Variants in NELL2 observed in about 807,000 individuals in gnomAD.
The protein encoded by NELL2 is protein kinase C-binding protein NELL2.
Under a neutral mutation model 109.6 loss-of-function variants are expected in NELL2, and 41 were observed. The observed-to-expected ratio is 0.37, with a 90% CI of 0.29 to 0.49. The LOEUF (loss-of-function observed/expected upper bound fraction) is 0.49. Among genes scored for constraint, NELL2 ranks in the 20% least tolerant of loss-of-function variants. NELL2 has a pLI of 0.98. For synonymous variants in NELL2, 355 were observed against 344.7 expected, an observed-to-expected ratio of 1.03 and a Z score of -0.33; for missense variants, 900 against 1,008.3, an observed-to-expected ratio of 0.89 and a Z score of 1.45.
chr12:44,867,558 A>G (rs891241615), intron 2 of NELL2, among the ~76,000 whole-genome samples: 1 of 152,234 alleles, frequency 6.6e-6, no homozygotes, highest in Admixed American at 6.5e-5. Flanking sequence ...TTCCTCTAAA[A>G]TAAGGAAAAA....
intron 9 of NELL2, among the ~76,000 whole-genome samples, chr12:44,731,333 T>G (rs1158478265): frequency 1.5e-4 from 23 of 152,074 alleles, no homozygotes; most frequent in Non-Finnish European, 1.6e-4. Context: ...GAAATACACA[T>G]GCAAAAATCC....
rs770550502 is a variant in NELL2, at chr12:44,875,865, T to C, written c.5A>G (p.Glu2Gly). The C allele has an allele frequency of 6.2e-7, 1 of 1,613,950 alleles. No individual in the cohort carries two copies. The highest frequency in any genetic ancestry group is 8.5e-7 in the Non-Finnish European group (1 of 1,180,022). Residue 2 changes from glutamate to glycine, a missense_variant, in exon 1 of 20, where the codon GAG (glutamate) becomes GGG (glycine). Coordinates refer to ENST00000429094, the MANE Select transcript of NELL2 (RefSeq NM_001145108.2). The stretch of plus-strand genomic sequence containing the variant: ...GAATGTTCTCAGTAAGACCCGAGAC[T>C]CCATGGTGCGGATCAGCTCAGTCCA... The part of the protein sequence containing the change: M[E>G]SRVLLRTFCL...
chr12:44,646,913 G>A (rs896134674), intron 13 of NELL2, among the ~76,000 whole-genome samples: 42 of 152,142 alleles, frequency 2.8e-4, no homozygotes, highest in African/African-American at 9.2e-4. Context: ...CTCTAGCTTC[G>A]GTTTCCTCAT....
intron 9 of NELL2, among the ~76,000 whole-genome samples, chr12:44,723,023 C>A (rs368904729): frequency 6.6e-6 from 1 of 151,990 alleles, no homozygotes; most frequent in Non-Finnish European, 1.5e-5. Flanking sequence ...CCCGTCTCTA[C>A]TAAAAATACA....
At chr12:44,812,037 G>C (rs1402175883) in intron 3 of NELL2, among the ~76,000 whole-genome samples, 1 of 152,122 alleles carries the variant, frequency 6.6e-6, no homozygotes, top group Non-Finnish European at 1.5e-5. Flanking sequence ...ATGCAGAAGA[G>C]TTCTTACTAT....
intron 13 of NELL2, among the ~76,000 whole-genome samples, chr12:44,624,500 A>T (rs1946166356): frequency 6.6e-6 from 1 of 151,586 alleles, no homozygotes; most frequent in African/African-American, 2.4e-5. Flanking sequence ...CTTTCCCCCA[A>T]CCTCTTTTCT....
chr12:44,640,082 C>A (rs1313110585), intron 13 of NELL2, among the ~76,000 whole-genome samples: 1 of 152,170 alleles, frequency 6.6e-6, no homozygotes, highest in East Asian at 1.9e-4. Context: ...GACAAGGACT[C>A]ATTTGTATAG....
At position 44,809,691 on chromosome 12, in the gene NELL2, G is replaced by A. The variant is rs754389536; in HGVS notation, c.335+6295C>T. The stretch of plus-strand genomic sequence containing the variant: ...CCAGGGCACTGCTGATGGAGTTCCC[G>A]GGAGTTTCATAATTATGCCACTTGG... On this transcript the variant is annotated intron_variant, in intron 3 of 19. Coordinates refer to ENST00000429094, the MANE Select transcript of NELL2 (RefSeq NM_001145108.2). Among the ~76,000 whole-genome samples the A allele has an allele frequency of 6.6e-5, 10 of 152,084 alleles. No individual in the cohort carries two copies. In the South Asian group the frequency reaches 1.0e-3, roughly 16 times the overall value.
chr12:44,664,633 C>A (rs1193276258), intron 13 of NELL2, among the ~76,000 whole-genome samples: 2 of 152,014 alleles, frequency 1.3e-5, no homozygotes, highest in Non-Finnish European at 1.5e-5. Context: ...TGATAAAGAT[C>A]ATAAAGTTGG....
intron 2 of NELL2, among the ~76,000 whole-genome samples, chr12:44,837,313 C>T (rs867473634): frequency 3.9e-5 from 6 of 152,164 alleles, no homozygotes; most frequent in Admixed American, 1.3e-4. Context: ...GTGTATATCA[C>T]GTGATGTTTA....
At chr12:44,816,638 T>C (rs941726317) in intron 2 of NELL2, among the ~76,000 whole-genome samples, 3 of 152,192 alleles carry the variant, frequency 2.0e-5, no homozygotes, top group African/African-American at 7.2e-5. Context: ...TATAAATAGA[T>C]TTTTAAAAGA....
intron 3 of NELL2, among the ~76,000 whole-genome samples, chr12:44,797,125 A>G (rs1354569068): frequency 6.6e-6 from 1 of 152,138 alleles, no homozygotes; most frequent in Non-Finnish European, 1.5e-5. Context: ...AGGGGTAGCC[A>G]AAAGAGTTAG....
At chr12:44,744,295 A>C (rs1592445002) in intron 9 of NELL2, among the ~76,000 whole-genome samples, 1 of 152,218 alleles carries the variant, frequency 6.6e-6, no homozygotes, top group African/African-American at 2.4e-5. Context: ...GGACACATTC[A>C]AAGCAGTGTG....
At chr12:44,903,225 A>G (rs1028331693) in intron 1 of NELL2, among the ~76,000 whole-genome samples, 1 of 152,186 alleles carries the variant, frequency 6.6e-6, no homozygotes, top group Non-Finnish European at 1.5e-5. Context: ...AAAAGTGGGC[A>G]AAGGACATGA....
chr12:44,841,714 A>G (rs879699947), intron 2 of NELL2, among the ~76,000 whole-genome samples: 1 of 152,190 alleles, frequency 6.6e-6, no homozygotes, highest in Non-Finnish European at 1.5e-5. Flanking sequence ...GACTGGCAGT[A>G]AACATCTCCT....
chr12:44,724,704 G>T (rs1026877103), intron 9 of NELL2, among the ~76,000 whole-genome samples: 1 of 150,232 alleles, frequency 6.7e-6, no homozygotes, highest in Admixed American at 6.7e-5. Flanking sequence ...ATATTCAGTG[G>T]TATTCCTATA....
chr12:44,814,436 A>G (rs144663589), intron 3 of NELL2, among the ~76,000 whole-genome samples: 1 of 152,318 alleles, frequency 6.6e-6, no homozygotes, highest in East Asian at 1.9e-4. Flanking sequence ...TGAAAGCTCA[A>G]TGGACATGGG....
intron 19 of NELL2, among the ~76,000 whole-genome samples, chr12:44,510,732 C>A (rs1196222388): frequency 6.6e-6 from 1 of 152,184 alleles, no homozygotes; most frequent in African/African-American, 2.4e-5. Flanking sequence ...ATATCTCCAG[C>A]CCCTAACATA....
chr12:44,832,117 A>G, intron 2 of NELL2, among the ~76,000 whole-genome samples: 2 of 152,280 alleles, frequency 1.3e-5, no homozygotes, highest in Middle Eastern at 6.8e-3. Context: ...TCTTTTCTAC[A>G]AGCATTTAAA....
Sources: gnomAD v4.1 joint callset for allele counts (sites outside exome capture counted in the v4.1 genomes callset) on GRCh38, gnomAD v4.1.1 for gene constraint, MANE v1.5 for transcripts, NCBI Gene and HGNC (gene_info 2026-07-23, HGNC 2026-07-21) for gene names.